GRB10: variants seen among roughly 807,000 people sequenced by gnomAD.
The protein encoded by GRB10 is growth factor receptor bound protein 10.
In GRB10, 20 loss-of-function variants were observed where a neutral mutation model predicts 80.9. The observed-to-expected ratio is 0.25, with a 90% CI of 0.17 to 0.36. The LOEUF (loss-of-function observed/expected upper bound fraction) is 0.36. Among genes scored for constraint, GRB10 ranks in the 10% least tolerant of loss-of-function variants. GRB10 has a pLI of 1.00. For synonymous variants in GRB10, 291 were observed against 291.5 expected (o/e 1.00, Z 0.02); for missense variants, 548 against 747.7 (o/e 0.73, Z 3.12).
intron 1 of GRB10, chr7:50,792,983 C>G (rs1051307979): frequency 2.5e-4 from 36 of 145,300 alleles, no homozygotes; most frequent in African/African-American, 8.7e-4. Flanking sequence ...GCCTCCGCCG[C>G]GCGCCCGCAG....
At chr7:50,693,501 G>A (rs553984873) in intron 5 of GRB10, among the ~76,000 whole-genome samples, 4 of 152,288 alleles carry the variant, frequency 2.6e-5, no homozygotes, top group African/African-American at 9.6e-5. Context: ...GAAAACAGCC[G>A]TAATGGGTTG....
rs2045867928 is a variant in GRB10, at chr7:50,591,721, G to C, written c.*1231C>G. The C allele has an allele frequency of 6.6e-6, 1 of 152,244 alleles. No homozygotes were observed. The highest frequency in any genetic ancestry group is 2.4e-5 in the African/African-American group (1 of 41,460). The allele number at this position is 152,244 out of a possible 1,614,324, so 9.4% of individuals were successfully genotyped here. ...TCCACAACCACTGTGAGGTACTTCT[G>C]ACCCTAAGCCAGCAGAGGAGGAGCC... is the stretch of plus-strand genomic sequence containing the variant. On this transcript the variant is annotated 3_prime_UTR_variant, in exon 19 of 19. Transcript: ENST00000401949.
At chr7:50,765,991 G>A (rs572708404) in intron 2 of GRB10, among the ~76,000 whole-genome samples, 16 of 152,156 alleles carry the variant, frequency 1.1e-4, no homozygotes, top group Non-Finnish European at 1.8e-4. Context: ...AGTTAATTCC[G>A]CAGAGCAAAA....
chr7:50,741,225 A>G (rs2071677188), intron 3 of GRB10, among the ~76,000 whole-genome samples: 1 of 152,240 alleles, frequency 6.6e-6, no homozygotes, highest in Non-Finnish European at 1.5e-5. Flanking sequence ...AAGAAATAAA[A>G]TTGGAATGAG....
intron 7 of GRB10, among the ~76,000 whole-genome samples, chr7:50,663,483 G>A (rs2059487244): frequency 1.3e-5 from 2 of 152,170 alleles, no homozygotes; most frequent in South Asian, 4.1e-4. Context: ...TGTGACTAGG[G>A]TCCTTCTCAC....
At chr7:50,743,103 G>A (rs908064223) in intron 3 of GRB10, among the ~76,000 whole-genome samples, 1 of 152,110 alleles carries the variant, frequency 6.6e-6, no homozygotes, top group Admixed American at 6.5e-5. Context: ...ACCAATTTCC[G>A]CTTTTCTTCC....
chr7:50,711,429 G>T (rs2065885680), intron 4 of GRB10, among the ~76,000 whole-genome samples: 1 of 152,148 alleles, frequency 6.6e-6, no homozygotes. Flanking sequence ...GAGACGGGTG[G>T]GGCACATTGC....
chr7:50,724,086 C>T (rs942020402), intron 4 of GRB10, among the ~76,000 whole-genome samples: 1 of 152,200 alleles, frequency 6.6e-6, no homozygotes, highest in African/African-American at 2.4e-5. Context: ...TGGACTCGCA[C>T]GTTCCAGCAG....
At chr7:50,736,837 A>G (rs1435274233) in intron 3 of GRB10, among the ~76,000 whole-genome samples, 1 of 152,226 alleles carries the variant, frequency 6.6e-6, no homozygotes, top group African/African-American at 2.4e-5. Flanking sequence ...GGACATCAGC[A>G]TGCAACAAAA....
intron 7 of GRB10, among the ~76,000 whole-genome samples, chr7:50,654,064 T>A (rs1390343158): frequency 1.3e-5 from 2 of 152,208 alleles, no homozygotes; most frequent in Admixed American, 1.3e-4. Context: ...CGCCCTCGGA[T>A]GACGTTTATA....
chr7:50,652,615 G>C (rs938911608), intron 7 of GRB10, among the ~76,000 whole-genome samples: 1 of 152,152 alleles, frequency 6.6e-6, no homozygotes, highest in African/African-American at 2.4e-5. Context: ...CCAGAGACCA[G>C]GTCATTCCAG....
chr7:50,636,361 C>A (rs2055022298), intron 7 of GRB10, among the ~76,000 whole-genome samples: 1 of 152,150 alleles, frequency 6.6e-6, no homozygotes, highest in Non-Finnish European at 1.5e-5. Context: ...AGAAGAAATT[C>A]TTTCCTAACT....
chr7:50,709,026 G>A (rs963395679), intron 4 of GRB10, among the ~76,000 whole-genome samples: 1 of 152,268 alleles, frequency 6.6e-6, no homozygotes, highest in East Asian at 1.9e-4. Context: ...CTACCTCTAG[G>A]GGAAGGTGAA....
At chr7:50,751,765 G>C (rs1562611529) in intron 3 of GRB10, among the ~76,000 whole-genome samples, 1 of 152,244 alleles carries the variant, frequency 6.6e-6, no homozygotes, top group South Asian at 2.1e-4. Context: ...TTGGGGGCAG[G>C]TGGATAGCAA....
intron 5 of GRB10, among the ~76,000 whole-genome samples, chr7:50,676,889 G>A (rs1396842484): frequency 6.6e-6 from 1 of 152,150 alleles, no homozygotes; most frequent in African/African-American, 2.4e-5. Context: ...ATAGAAGGGA[G>A]GGGTGAGGAC....
chr7:50,793,271 T>C, exon 1 of GRB10: 1 of 140,352 alleles, frequency 7.1e-6, no homozygotes, highest in Non-Finnish European at 1.6e-5. Flanking sequence ...CGGGCGACAC[T>C]CGGCGTGGCC....
chr7:50,641,376 A>C (rs962588308), intron 7 of GRB10, among the ~76,000 whole-genome samples: 1 of 152,148 alleles, frequency 6.6e-6, no homozygotes, highest in Non-Finnish European at 1.5e-5. Flanking sequence ...CATTGCACCA[A>C]GATGTCCCTA....
chr7:50,668,087 C>A (rs2529416), intron 7 of GRB10, among the ~76,000 whole-genome samples: 2 of 152,192 alleles, frequency 1.3e-5, no homozygotes, highest in Non-Finnish European at 2.9e-5. Flanking sequence ...ACAAGCCCAG[C>A]CAGTGCTGGC....
chr7:50,702,954 C>T (rs1030032635), intron 5 of GRB10, among the ~76,000 whole-genome samples: 1 of 152,186 alleles, frequency 6.6e-6, no homozygotes, highest in Non-Finnish European at 1.5e-5. Flanking sequence ...CAACGTAACA[C>T]GTTAAAATTT....
Sources: gnomAD v4.1 joint callset for allele counts (sites outside exome capture counted in the v4.1 genomes callset) on GRCh38, gnomAD v4.1.1 for gene constraint, MANE v1.5 for transcripts, NCBI Gene and HGNC (gene_info 2026-07-23, HGNC 2026-07-21) for gene names.